Variants in IARS2 observed in about 807,000 individuals in gnomAD.
IARS2 encodes the protein isoleucyl-tRNA synthetase 2, mitochondrial.
In IARS2, 56 loss-of-function variants were observed where a neutral mutation model predicts 126.3. The observed-to-expected ratio is 0.44, with a 90% CI of 0.36 to 0.55. IARS2 has a LOEUF of 0.55. IARS2 is among the 20% of genes least tolerant of loss of function. IARS2 has a pLI of 0.00. For missense variants in IARS2, 1,127 were observed against 1,245.9 expected (o/e 0.90, Z 1.44); for synonymous variants, 407 against 441.1 (o/e 0.92, Z 0.97).
rs187115444 is a variant in IARS2 at position 220,130,658 on chromosome 1, C to T, written c.1838-3744C>T. Among the ~76,000 whole-genome samples, 539 of 152,048 alleles carry T rather than the reference C, an allele frequency of 3.5e-3. 5 individuals are homozygous for T. The highest frequency in any genetic ancestry group is 0.012 in the African/African-American group (500 of 41,478). On this transcript the variant is annotated intron_variant, in intron 14 of 22. Transcript: ENST00000366922. The stretch of plus-strand genomic sequence containing the variant: ...CTGCAAGCTCCGCCTCCTGGGTTCA[C>T]GCCATTCTCCTGCCCCAGCCTCCCG...
At chr1:220,119,343 A>G (rs1336580675) in intron 12 of IARS2, among the ~76,000 whole-genome samples, 1 of 152,098 alleles carries the variant, frequency 6.6e-6, no homozygotes, top group African/African-American at 2.4e-5. Context: ...ATGGAAGCAT[A>G]TAGATTACAT....
intron 8 of IARS2, among the ~76,000 whole-genome samples, chr1:220,105,122 T>G (rs1231486949): frequency 6.6e-6 from 1 of 151,778 alleles, no homozygotes; most frequent in Non-Finnish European, 1.5e-5. Context: ...AATAATTTAC[T>G]TCACACCCTC....
intron 1 of IARS2, among the ~76,000 whole-genome samples, chr1:220,095,831 G>A (rs1167344807): frequency 6.6e-6 from 1 of 152,152 alleles, no homozygotes; most frequent in Non-Finnish European, 1.5e-5. Context: ...AGAACTTAGT[G>A]GCACTAAACC....
At position 220,123,556 on chromosome 1, in the gene IARS2, C is replaced by T. The variant is rs528568936; in HGVS notation, c.1641-1681C>T. Among the ~76,000 whole-genome samples the T allele has an allele frequency of 1.3e-4, 20 of 152,316 alleles. No individual in the cohort carries two copies. The South Asian group carries it at 3.7e-3, about 28-fold the overall frequency. ...TGGCGCGATCTCAGCTCACTGCAAG[C>T]TCTGCCTCCCGGGTTCACGCCATTC... On this transcript the variant is annotated intron_variant, in intron 12 of 22. Transcript: ENST00000366922.
intron 20 of IARS2, 118 bp from the exon 21 acceptor site, chr1:220,142,826 C>G (rs973887815): frequency 3.1e-4 from 184 of 595,282 alleles, no homozygotes; most frequent in Non-Finnish European, 4.6e-4. Context: ...TATTTCATCA[C>G]TTGATTACCA....
chr1:220,143,899 C>A, intron 21 of IARS2: 2 of 781,762 alleles, frequency 2.6e-6, no homozygotes. Context: ...AGAGAATTGG[C>A]AATGAATATA....
chr1:220,094,462 C>T lies in IARS2; in HGVS notation c.246C>T (p.Asp82=). The change falls in exon 1 of 23, where the codon GAC becomes GAT. Residue 82 remains aspartate, a synonymous_variant. Coordinates refer to ENST00000366922, the MANE Select transcript of IARS2 (RefSeq NM_018060.4). ...PMKLLGRQQP[D]TELEIQQKCG... Reference sequence around the variant, plus strand: ...AGCTGCTGGGCCGCCAGCAGCCGGACACGGAGCTGGAGATCCAGCAGGTAC... The same window carrying T: ...AGCTGCTGGGCCGCCAGCAGCCGGATACGGAGCTGGAGATCCAGCAGGTAC... The T allele has an allele frequency of 6.2e-7, 1 of 1,609,424 alleles. No homozygotes were observed. The highest frequency in any genetic ancestry group is 1.3e-5 in the African/African-American group (1 of 74,904).
At chr1:220,124,740 G>A (rs1003506117) in intron 12 of IARS2, among the ~76,000 whole-genome samples, 5 of 152,190 alleles carry the variant, frequency 3.3e-5, no homozygotes, top group Admixed American at 6.6e-5. Flanking sequence ...TTCAAGCAGA[G>A]AATTCGTGTG....
In IARS2 at chr1:220,106,075, T is replaced by C; in HGVS notation, c.1236+15T>C. Reference sequence around the variant, plus strand: ...ACCTGCCCATGGTACTGTTCCTCTTTTATCATTTTTAATTATTCATCTTAA... The same window carrying C: ...ACCTGCCCATGGTACTGTTCCTCTTCTATCATTTTTAATTATTCATCTTAA... On this transcript the variant is annotated intron_variant, in intron 9 of 22. Coordinates refer to ENST00000366922, the MANE Select transcript of IARS2 (RefSeq NM_018060.4). The C allele has an allele frequency of 6.4e-7, 1 of 1,560,468 alleles. No individual in the cohort carries two copies. Among genetic ancestry groups the C allele is most frequent in the Non-Finnish European group, 8.7e-7 (1 of 1,149,042 alleles).
intron 12 of IARS2, 118 bp downstream of exon 12, chr1:220,114,592 A>G: frequency 1.4e-6 from 1 of 733,480 alleles, no homozygotes; most frequent in Non-Finnish European, 2.2e-6. Flanking sequence ...ATATGCTAAA[A>G]TAGTCTTTTG....
intron 2 of IARS2, 61 bp from the exon 3 acceptor site, chr1:220,100,429 T>C (rs1656547482): frequency 5.2e-6 from 7 of 1,341,660 alleles, no homozygotes; most frequent in South Asian, 4.6e-5. Context: ...TCTTTGCAGA[T>C]TTTGAAATAC....
chr1:220,094,499 C>G lies in IARS2; in HGVS notation c.267+16C>G. 1 of 1,568,678 alleles carries G rather than the reference C, an allele frequency of 6.4e-7. No homozygotes were observed. The highest frequency in any genetic ancestry group is 8.6e-7 in the Non-Finnish European group (1 of 1,160,134). Reference sequence around the variant, plus strand: ...GATCCAGCAGGTACGGGCCCCGCCTCGGCGCGGGGCCTCCAGAGAGGCCCG... The same window carrying G: ...GATCCAGCAGGTACGGGCCCCGCCTGGGCGCGGGGCCTCCAGAGAGGCCCG... On this transcript the variant is annotated intron_variant, in intron 1 of 22. Coordinates refer to ENST00000366922, the MANE Select transcript of IARS2 (RefSeq NM_018060.4).
chr1:220,109,172 G>A (rs1571848602), intron 10 of IARS2, among the ~76,000 whole-genome samples: 2 of 151,972 alleles, frequency 1.3e-5, no homozygotes, highest in Admixed American at 6.6e-5. Context: ...AGGCTGAAGC[G>A]GACATATCAC....
At chr1:220,118,051 A>T (rs1189490477) in intron 12 of IARS2, 1 of 430,300 alleles carries the variant, frequency 2.3e-6, no homozygotes, top group African/African-American at 2.1e-5. Context: ...TCATTTGTTA[A>T]TTTTATAAAA....
chr1:220,134,744 C>G (rs1657337207), intron 15 of IARS2: 2 of 301,484 alleles, frequency 6.6e-6, no homozygotes, highest in Non-Finnish European at 6.1e-6. Context: ...GTTGGGGGAA[C>G]TTATGTAGTT....
rs559833489 is a variant in IARS2, at chr1:220,095,615, C to T, written c.268-489C>T. On this transcript the variant is annotated intron_variant, in intron 1 of 22. Transcript: ENST00000366922. ...TTTTTTTCAGATAAGAAAGCAGGCC[C>T]GTAAGTGCACAGTAACCTGGACAAA... Among the ~76,000 whole-genome samples the T allele has an allele frequency of 3.9e-5, 6 of 152,132 alleles. No individual in the cohort carries two copies. The East Asian group carries it at 1.2e-3, about 29-fold the overall frequency.
intron 12 of IARS2, among the ~76,000 whole-genome samples, chr1:220,116,861 C>G (rs1317641533): frequency 3.3e-5 from 5 of 152,018 alleles, no homozygotes; most frequent in Non-Finnish European, 7.4e-5. Flanking sequence ...ATTCTCCCTC[C>G]TCAGCCTCCT....
chr1:220,101,729 C>T (rs1041583844), intron 3 of IARS2, among the ~76,000 whole-genome samples: 4 of 146,114 alleles, frequency 2.7e-5, no homozygotes, highest in South Asian at 2.2e-4. Context: ...GCTCGGGCGC[C>T]GTGGCTCACG....
intron 12 of IARS2, among the ~76,000 whole-genome samples, chr1:220,123,227 G>A (rs1273819817): frequency 1.3e-5 from 2 of 151,694 alleles, no homozygotes; most frequent in African/African-American, 4.8e-5. Context: ...ATATAACTAG[G>A]TAGTTATTAC....
Sources: allele counts gnomAD v4.1 joint callset (sites outside exome capture counted in the v4.1 genomes callset), GRCh38; gene constraint gnomAD v4.1.1; transcripts MANE v1.5; gene names NCBI Gene and HGNC (gene_info 2026-07-23, HGNC 2026-07-21).